TMEM132D: variants seen among roughly 807,000 people sequenced by gnomAD.
The protein encoded by TMEM132D is mature OL transmembrane protein.
TMEM132D carries 21 observed loss-of-function variants against 62.3 expected under a neutral mutation model. That is an observed-to-expected ratio of 0.34 (90% CI 0.24 to 0.49). The LOEUF is 0.49. Ranked by LOEUF, TMEM132D falls within the 20% of genes least tolerant of loss-of-function variation. TMEM132D has a pLI of 0.99. For missense variants in TMEM132D, 1,346 were observed against 1,402.8 expected, an observed-to-expected ratio of 0.96 and a Z score of 0.65; for synonymous variants, 621 against 575.6, an observed-to-expected ratio of 1.08 and a Z score of -1.13.
intron 3 of TMEM132D, among the ~76,000 whole-genome samples, chr12:129,487,138 G>A (rs1874608215): frequency 6.6e-6 from 1 of 152,070 alleles, no homozygotes; most frequent in Non-Finnish European, 1.5e-5. Flanking sequence ...CTCCAGCTGT[G>A]AGAAGACTAG....
At position 129,903,878 on chromosome 12, in the gene TMEM132D, G is replaced by A. The variant is rs2137405617; in HGVS notation, c.-539C>T. Among the ~76,000 whole-genome samples, 1 of 146,970 alleles carries A rather than the reference G, an allele frequency of 6.8e-6. No individual in the cohort carries two copies. Among genetic ancestry groups the A allele is most frequent in the East Asian group, 2.0e-4 (1 of 4,996 alleles). Reference sequence around the variant, plus strand: ...TCCCTGGCCCGCAGCCCCCATCCCAGGCCGGCCGCTGCGCCTCGGGGCTCG... The same window carrying A: ...TCCCTGGCCCGCAGCCCCCATCCCAAGCCGGCCGCTGCGCCTCGGGGCTCG... On this transcript the variant is annotated 5_prime_UTR_variant, in exon 1 of 9. Coordinates refer to ENST00000422113, the MANE Select transcript of TMEM132D (RefSeq NM_133448.3). This position sits in a 1 kb window ranked among gnomAD's most constrained non-coding sequence, Gnocchi z 6.2.
At chr12:129,440,627 C>T (rs532918733) in intron 3 of TMEM132D, among the ~76,000 whole-genome samples, 37 of 152,246 alleles carry the variant, frequency 2.4e-4, no homozygotes, top group Admixed American at 1.2e-3. Context: ...GGGAAATATC[C>T]ATAGTGTAGA....
chr12:129,760,822 C>T (rs1870350222), intron 1 of TMEM132D, among the ~76,000 whole-genome samples: 1 of 151,958 alleles, frequency 6.6e-6, no homozygotes, highest in African/African-American at 2.4e-5. Flanking sequence ...TTCTCTGCAA[C>T]CCCCAACAGG....
At chr12:129,146,694 C>A (rs1262838137) in intron 5 of TMEM132D, among the ~76,000 whole-genome samples, 1 of 152,176 alleles carries the variant, frequency 6.6e-6, no homozygotes, top group Non-Finnish European at 1.5e-5. Flanking sequence ...AATGCTCTTA[C>A]CCTGCTTACC....
intron 4 of TMEM132D, among the ~76,000 whole-genome samples, chr12:129,276,800 C>T (rs12427177): frequency 6.6e-6 from 1 of 152,188 alleles, no homozygotes; most frequent in South Asian, 2.1e-4. Context: ...ATTTGTTTAC[C>T]TAATGCACAG....
At chr12:129,404,492 C>T (rs530212318) in intron 3 of TMEM132D, among the ~76,000 whole-genome samples, 48 of 152,320 alleles carry the variant, frequency 3.2e-4, no homozygotes, top group Non-Finnish European at 4.3e-4. Context: ...CCACCATGCC[C>T]GGCCAAGACT....
rs535456456 is a variant in TMEM132D, at chr12:129,459,333, A to G, written c.1115+71726T>C. ...CTTCTGCGATGATTTCTTTGGACAC[A>G]CTTAACAATGAGTCATGCAAATTCA... On this transcript the variant is annotated intron_variant, in intron 3 of 8. Transcript: ENST00000422113. Among the ~76,000 whole-genome samples, 5 of 152,274 alleles carry G rather than the reference A, an allele frequency of 3.3e-5. No homozygotes were observed. In the East Asian group the frequency reaches 5.8e-4, roughly 18 times the overall value.
intron 1 of TMEM132D, among the ~76,000 whole-genome samples, chr12:129,902,745 G>A (rs908843552): frequency 3.3e-5 from 5 of 151,876 alleles, no homozygotes; most frequent in Non-Finnish European, 5.9e-5. Flanking sequence ...CTTCAGAGCC[G>A]CCCCCCAGGC....
At chr12:129,259,609 T>C (rs1412640539) in intron 4 of TMEM132D, among the ~76,000 whole-genome samples, 1 of 151,956 alleles carries the variant, frequency 6.6e-6, no homozygotes, top group Non-Finnish European at 1.5e-5. Context: ...GGAGAACAGA[T>C]GGTAATTAGA....
At chr12:129,105,439 T>C (rs1191403382) in intron 5 of TMEM132D, among the ~76,000 whole-genome samples, 1 of 139,658 alleles carries the variant, frequency 7.2e-6, no homozygotes, top group Non-Finnish European at 1.5e-5. Context: ...ATATACCTAA[T>C]GCTAGATGAC....
At chr12:129,789,232 G>A (rs997425153) in intron 1 of TMEM132D, among the ~76,000 whole-genome samples, 1 of 151,036 alleles carries the variant, frequency 6.6e-6, no homozygotes. Context: ...CCATCCCCCC[G>A]AGTCCTCAAA....
chr12:129,564,200 A>G (rs959621504), intron 2 of TMEM132D, among the ~76,000 whole-genome samples: 1 of 152,212 alleles, frequency 6.6e-6, no homozygotes, highest in Non-Finnish European at 1.5e-5. Context: ...CCTAAAGTCC[A>G]GGTGCTAATT....
At chr12:129,138,195 C>A (rs1876642052) in intron 5 of TMEM132D, among the ~76,000 whole-genome samples, 1 of 152,284 alleles carries the variant, frequency 6.6e-6, no homozygotes, top group Admixed American at 6.5e-5. Flanking sequence ...GGGCTCAGTG[C>A]TGCCAGGCAT....
chr12:129,210,023 C>T (rs937667568), intron 4 of TMEM132D: 19 of 191,920 alleles, frequency 9.9e-5, no homozygotes, highest in Middle Eastern at 2.0e-3. Flanking sequence ...GACAAACATT[C>T]TTCTTCTTCC....
chr12:129,632,196 G>A (rs1374085897), intron 2 of TMEM132D, among the ~76,000 whole-genome samples: 1 of 152,184 alleles, frequency 6.6e-6, no homozygotes, highest in East Asian at 1.9e-4. Context: ...TTATATGTAA[G>A]CGGAGAAGCT....
intron 1 of TMEM132D, among the ~76,000 whole-genome samples, chr12:129,724,331 A>G (rs7304536): frequency 0.82 from 124,141 of 152,082 alleles, 51,361 homozygotes; most frequent in Non-Finnish European, 0.9. Flanking sequence ...TGGAAGAAAG[A>G]AACAGGAGAC....
At chr12:129,397,080 T>C (rs78408058) in intron 3 of TMEM132D, among the ~76,000 whole-genome samples, 6,218 of 152,246 alleles carry the variant, frequency 0.041, 161 homozygotes, top group South Asian at 0.1. Context: ...AGCAGAAAAA[T>C]AACCCCATTC....
At chr12:129,722,384 C>T (rs1210714259) in intron 1 of TMEM132D, among the ~76,000 whole-genome samples, 1 of 152,226 alleles carries the variant, frequency 6.6e-6, no homozygotes, top group Admixed American at 6.5e-5. Context: ...CTGCTGCAAG[C>T]CCCCGTCACA....
At chr12:129,334,506 C>A (rs926279469) in intron 4 of TMEM132D, among the ~76,000 whole-genome samples, 10 of 152,208 alleles carry the variant, frequency 6.6e-5, no homozygotes, top group African/African-American at 2.4e-4. Context: ...GACTCAGAAC[C>A]ACTACCAATA....
Sources: allele counts gnomAD v4.1 joint callset (sites outside exome capture counted in the v4.1 genomes callset), GRCh38; gene constraint gnomAD v4.1.1; non-coding constraint Gnocchi (gnomAD v3.1); transcripts MANE v1.5; gene names NCBI Gene and HGNC (gene_info 2026-07-23, HGNC 2026-07-21).